Variants in ADAMTSL1 observed in about 807,000 individuals in gnomAD.
The protein encoded by ADAMTSL1 is ADAMTS like 1.
A neutral mutation model predicts 201.8 loss-of-function variants in ADAMTSL1; 126 were observed. The ratio of observed to expected loss-of-function variants is 0.62; its 90% CI spans 0.54 to 0.72. The LOEUF (loss-of-function observed/expected upper bound fraction) is 0.72, where lower values mean the gene tolerates loss of function less well. Among genes scored for constraint, ADAMTSL1 ranks in the 30% least tolerant of loss-of-function variants. The probability of loss-of-function intolerance (pLI) is 0.00; values close to 1 mark genes in which losing one functional copy is unlikely to be tolerated. For synonymous variants in ADAMTSL1, 1,121 were observed against 903.4 expected (o/e 1.24, Z -4.32); for missense variants, 2,679 against 2,277.8 (o/e 1.18, Z -3.59).
At chr9:17,952,920 TCCTCCTCCTCCTC>T in intron 1 of ADAMTSL1, among the ~76,000 whole-genome samples, 2 of 19,720 alleles carry the variant, frequency 1.0e-4, no homozygotes, top group South Asian at 2.9e-3. Context: ...CTCCTTTCCC[TCCTCCTCCTCCTC>T]CTCCTCCTCC....
intron 4 of ADAMTSL1, among the ~76,000 whole-genome samples, chr9:18,583,189 A>C (rs1823228572): frequency 6.6e-6 from 1 of 152,196 alleles, no homozygotes; most frequent in African/African-American, 2.4e-5. Flanking sequence ...AGGAGGAAAA[A>C]GTGGTTTCGT....
intron 2 of ADAMTSL1, among the ~76,000 whole-genome samples, chr9:18,401,862 C>T (rs1026016383): frequency 1.3e-5 from 2 of 152,142 alleles, no homozygotes; most frequent in South Asian, 2.1e-4. Flanking sequence ...GTGGGAGGAC[C>T]GTTCTCACCT....
At position 18,574,148 on chromosome 9, in the gene ADAMTSL1, G is replaced by T. The variant is rs1014497951; in HGVS notation, c.356G>T (p.Cys119Phe). The change falls in exon 4 of 29, where the codon TGT becomes TTT. Residue 119 changes from cysteine to phenylalanine, a missense_variant. Cys to Phe is a radical substitution (Grantham distance 205). Coordinates refer to ENST00000380548, the MANE Select transcript of ADAMTSL1 (RefSeq NM_001040272.6). The stretch of plus-strand genomic sequence containing the variant: ...GTGTCTAATGACCCTGACAACCCAT[G>T]TTCACTCAAGTGCCAAGCCAAAGGA... Reference protein sequence around the residue: ...LPVSNDPDNPCSLKCQAKGTT... With the variant: ...LPVSNDPDNPFSLKCQAKGTT... 1 of 1,614,116 alleles carries T rather than the reference G, an allele frequency of 6.2e-7. No homozygotes were observed. Among genetic ancestry groups the T allele is most frequent in the Non-Finnish European group, 8.5e-7 (1 of 1,180,010 alleles).
intron 2 of ADAMTSL1, among the ~76,000 whole-genome samples, chr9:18,415,004 C>G (rs1818612104): frequency 6.6e-6 from 1 of 152,156 alleles, no homozygotes; most frequent in African/African-American, 2.4e-5. Context: ...TAGCCCCAAT[C>G]TAAATACAAC....
At chr9:18,008,602 G>A (rs1438319619) in intron 1 of ADAMTSL1, among the ~76,000 whole-genome samples, 1 of 151,852 alleles carries the variant, frequency 6.6e-6, no homozygotes, top group African/African-American at 2.4e-5. Flanking sequence ...GCTCATTACA[G>A]TCTACACAGG....
chr9:18,685,101 C>A, intron 13 of ADAMTSL1: 2 of 601,046 alleles, frequency 3.3e-6, no homozygotes, highest in Non-Finnish European at 4.4e-6. Context: ...AAGGCCCAGG[C>A]TGCAGCTGAT....
intron 2 of ADAMTSL1, among the ~76,000 whole-genome samples, chr9:18,367,104 C>T (rs916288605): frequency 3.3e-5 from 5 of 152,130 alleles, no homozygotes; most frequent in African/African-American, 1.2e-4. Flanking sequence ...GTTTTTTCTA[C>T]ACTACCTAGA....
At chr9:18,715,445 G>C (rs9407931) in intron 14 of ADAMTSL1, among the ~76,000 whole-genome samples, 38,301 of 151,796 alleles carry the variant, frequency 0.25, 5,448 homozygotes, top group Middle Eastern at 0.32. Context: ...ACCAACAACA[G>C]ACAAACAGAG....
intron 26 of ADAMTSL1, among the ~76,000 whole-genome samples, chr9:18,902,926 C>G (rs368723769): frequency 6.6e-6 from 1 of 152,114 alleles, no homozygotes; most frequent in African/African-American, 2.4e-5. Flanking sequence ...AAGGATTGGC[C>G]AGGCACGGTG....
intron 23 of ADAMTSL1, among the ~76,000 whole-genome samples, chr9:18,847,821 A>G (rs1449924084): frequency 1.3e-5 from 2 of 152,252 alleles, no homozygotes; most frequent in Non-Finnish European, 2.9e-5. Flanking sequence ...CAGAGAGGCA[A>G]CCAGGCAGAG....
chr9:18,184,433 T>A (rs940901134), intron 2 of ADAMTSL1, among the ~76,000 whole-genome samples: 2 of 152,224 alleles, frequency 1.3e-5, no homozygotes, highest in Non-Finnish European at 2.9e-5. Flanking sequence ...AATTTTTTTT[T>A]AATCACCAGT....
chr9:18,709,591 A>G (rs535231949), intron 14 of ADAMTSL1, among the ~76,000 whole-genome samples: 6 of 152,330 alleles, frequency 3.9e-5, no homozygotes, highest in Non-Finnish European at 7.3e-5. Context: ...ATCAAATATC[A>G]TGTAACAATT....
At chr9:18,321,841 T>C (rs926927597) in intron 2 of ADAMTSL1, among the ~76,000 whole-genome samples, 3 of 152,144 alleles carry the variant, frequency 2.0e-5, no homozygotes, top group African/African-American at 7.2e-5. Flanking sequence ...TTTAAGTGCA[T>C]TCTTTTCAAG....
At chr9:18,753,186 C>A in intron 15 of ADAMTSL1, 112 bp from the exon 16 acceptor site, 2 of 1,014,674 alleles carry the variant, frequency 2.0e-6, no homozygotes, top group Non-Finnish European at 3.0e-6. Context: ...CAATCTTGGG[C>A]TGGCACTTCC....
At chr9:17,937,030 G>A (rs1170368358) in intron 1 of ADAMTSL1, among the ~76,000 whole-genome samples, 1 of 152,116 alleles carries the variant, frequency 6.6e-6, no homozygotes, top group African/African-American at 2.4e-5. Flanking sequence ...CCCTCCGCTA[G>A]CCAGTGTGTG....
chr9:18,133,108 C>T (rs1008444813), intron 1 of ADAMTSL1, among the ~76,000 whole-genome samples: 1 of 152,116 alleles, frequency 6.6e-6, no homozygotes, highest in Non-Finnish European at 1.5e-5. Context: ...TTCAGACTCT[C>T]CTCCGGAATT....
intron 2 of ADAMTSL1, among the ~76,000 whole-genome samples, chr9:18,213,387 T>G (rs982781586): frequency 6.6e-6 from 1 of 152,132 alleles, no homozygotes; most frequent in African/African-American, 2.4e-5. Context: ...AAACACTGTG[T>G]TCCTGGGTGA....
intron 1 of ADAMTSL1, among the ~76,000 whole-genome samples, chr9:18,091,450 G>A (rs1824013722): frequency 1.3e-5 from 2 of 152,056 alleles, no homozygotes; most frequent in Admixed American, 6.6e-5. Context: ...GTGCCCTTCT[G>A]CGATCTCTGA....
At chr9:18,124,197 C>T (rs1357643291) in intron 1 of ADAMTSL1, among the ~76,000 whole-genome samples, 1 of 150,400 alleles carries the variant, frequency 6.6e-6, no homozygotes, top group African/African-American at 2.5e-5. Context: ...ATTCTCCTGC[C>T]TCAGCCTCCC....
Sources: allele counts gnomAD v4.1 joint callset (sites outside exome capture counted in the v4.1 genomes callset), GRCh38; gene constraint gnomAD v4.1.1; transcripts MANE v1.5; gene names NCBI Gene and HGNC (gene_info 2026-07-23, HGNC 2026-07-21).